Variants in TCF3 observed in about 807,000 individuals in gnomAD.
TCF3 encodes transcription factor E2-alpha.
TCF3 carries 54 observed loss-of-function variants against 72.3 expected under a neutral mutation model. The ratio of observed to expected loss-of-function variants is 0.75; its 90% CI spans 0.60 to 0.94. TCF3 has a LOEUF of 0.94. TCF3 is among the 40% of genes least tolerant of loss of function. The pLI is 0.00. For synonymous variants in TCF3, 525 were observed against 412.6 expected, an observed-to-expected ratio of 1.27 and a Z score of -3.30; for missense variants, 1,078 against 934.4, an observed-to-expected ratio of 1.15 and a Z score of -2.00.
Position 1,622,053 on chromosome 19 carries a change from C to T in TCF3, c.822+1G>A. Reference sequence around the variant, plus strand: ...CCCCTGCCCCCTGCCCTGGGTCCTACCATACGCTCGTGCTGGTGCAGGCCA... The same window carrying T: ...CCCCTGCCCCCTGCCCTGGGTCCTATCATACGCTCGTGCTGGTGCAGGCCA... On this transcript the variant is annotated splice_donor_variant, in intron 10 of 18. Transcript: ENST00000262965. LOFTEE classifies it high-confidence loss of function. 6.3e-7 allele frequency: 1 copy of T among 1,592,590 alleles called. No individual in the cohort carries two copies. The highest frequency in any genetic ancestry group is 8.5e-7 in the Non-Finnish European group (1 of 1,169,596).
intron 5 of TCF3, among the ~76,000 whole-genome samples, chr19:1,631,150 C>T (rs1009740692): frequency 6.6e-6 from 1 of 152,210 alleles, no homozygotes; most frequent in Admixed American, 6.5e-5. Context: ...CTCACCGCCT[C>T]CCTCCAAGAA....
At chr19:1,622,602 G>C (rs947949233) in intron 8 of TCF3, among the ~76,000 whole-genome samples, 187 bp from the exon 9 acceptor site, 10 of 151,894 alleles carry the variant, frequency 6.6e-5, no homozygotes, top group African/African-American at 2.4e-4. Context: ...TGATGTCCTG[G>C]TCTCTCTCTC....
intron 3 of TCF3, among the ~76,000 whole-genome samples, chr19:1,636,448 A>C (rs2064420003): frequency 6.6e-6 from 1 of 152,210 alleles, no homozygotes; most frequent in African/African-American, 2.4e-5. Flanking sequence ...GGCATGAGCC[A>C]CAACGCCTGG....
chr19:1,645,512 C>T (rs1322740496), intron 3 of TCF3, among the ~76,000 whole-genome samples: 2 of 151,118 alleles, frequency 1.3e-5, no homozygotes, highest in African/African-American at 4.9e-5. Context: ...GCAGGGCGTC[C>T]GTACGGGCTG....
At chr19:1,641,987 G>A (rs980273910) in intron 3 of TCF3, among the ~76,000 whole-genome samples, 3 of 151,922 alleles carry the variant, frequency 2.0e-5, no homozygotes, top group African/African-American at 2.4e-5. Flanking sequence ...CAAGGCTACA[G>A]TCAGTTATGA....
chr19:1,632,334 G>A lies in TCF3; in HGVS notation c.217C>T (p.Arg73Trp), dbSNP rs368020893. ...TCAGGCCTCACGGGGACTCCTACCC[G>A]GCTGGGGTCAAAGGAGGAGCTGCTC... ...DQSSSSFDPS[R>W]TFSEGTHFTE... The change falls in exon 4 of 19, where the codon CGG (arginine) becomes TGG (tryptophan). Residue 73 changes from arginine to tryptophan, a missense_variant and splice_region_variant. Arg to Trp is a moderately radical substitution (Grantham distance 101, BLOSUM62 -3). Transcript: ENST00000262965. 9 of 1,584,516 alleles carry A rather than the reference G, an allele frequency of 5.7e-6. No homozygotes were observed. The highest frequency in any genetic ancestry group is 5.4e-5 in the African/African-American group (4 of 74,454).
At position 1,633,581 on chromosome 19, in the gene TCF3, T is replaced by G. The variant is rs146002971; in HGVS notation, c.146-1176A>C. Among the ~76,000 whole-genome samples, 724 of 152,364 alleles carry G rather than the reference T, an allele frequency of 4.8e-3. 3 individuals are homozygous for G. The highest frequency in any genetic ancestry group is 0.016 in the African/African-American group (683 of 41,580). ...GTATTGGTGTTTAATTGCTGTCTGA[T>G]TTGCATAATTATGCATATTAATCTC... On this transcript the variant is annotated intron_variant, in intron 3 of 18. Transcript: ENST00000262965.
At position 1,622,098 on chromosome 19, in the gene TCF3, C is replaced by T; in HGVS notation, c.778G>A (p.Gly260Arg). The T allele has an allele frequency of 6.2e-7, 1 of 1,605,836 alleles. No individual in the cohort carries two copies. Among genetic ancestry groups the T allele is most frequent in the Non-Finnish European group, 8.5e-7 (1 of 1,177,626 alleles). The change falls in exon 10 of 19, where the codon GGA becomes AGA. Residue 260 changes from glycine to arginine, a missense_variant. Coordinates refer to ENST00000262965, the MANE Select transcript of TCF3 (RefSeq NM_003200.5). Reference protein sequence around the residue: ...PPGSGPVGSSGSSSTFGGLHQ... With the variant: ...PPGSGPVGSSRSSSTFGGLHQ... Reference sequence around the variant, plus strand: ...AGGCCACCAAACGTGCTGCTGCTTCCACTGCTGCCCACCGGGCCGCTACCG... The same window carrying T: ...AGGCCACCAAACGTGCTGCTGCTTCTACTGCTGCCCACCGGGCCGCTACCG...
chr19:1,619,919 G>T, intron 13 of TCF3, 66 bp from the exon 14 acceptor site: 1 of 1,365,212 alleles, frequency 7.3e-7, no homozygotes, highest in Non-Finnish European at 1.0e-6. Context: ...TGATGCCCAT[G>T]GGGAGGGATT....
At chr19:1,612,435 T>G (rs748650870) in intron 18 of TCF3, 1 of 1,491,408 alleles carries the variant, frequency 6.7e-7, no homozygotes, top group Admixed American at 1.8e-5. Context: ...TCCGTACTGC[T>G]GGGTCACAGC....
intron 3 of TCF3, among the ~76,000 whole-genome samples, chr19:1,632,830 T>C (rs1292443451): frequency 6.6e-6 from 1 of 152,204 alleles, no homozygotes; most frequent in East Asian, 1.9e-4. Flanking sequence ...GAAAGGCTCA[T>C]GACAGCATGA....
At chr19:1,638,878 A>G (rs993374407) in intron 3 of TCF3, among the ~76,000 whole-genome samples, 16 of 152,252 alleles carry the variant, frequency 1.1e-4, no homozygotes, top group African/African-American at 2.9e-4. Flanking sequence ...AAAAGCTGAG[A>G]ACGAAGATGG....
chr19:1,638,526 G>C (rs1002063968), intron 3 of TCF3, among the ~76,000 whole-genome samples: 1 of 152,112 alleles, frequency 6.6e-6, no homozygotes, highest in Non-Finnish European at 1.5e-5. Context: ...CTCATGATCC[G>C]CTGGCCTCGG....
Position 1,610,141 on chromosome 19 carries a change from C to T in TCF3, c.*1566G>A. 1 of 232,600 alleles carries T rather than the reference C, an allele frequency of 4.3e-6. No homozygotes were observed. The highest frequency in any genetic ancestry group is 1.3e-3 in the Middle Eastern group (1 of 784). The allele number at this position is 232,600 out of a possible 1,614,324, so 14.4% of individuals were successfully genotyped here. ...CATGGCAAAAGACCAGAAAAGGAGACCTGGAGAGAGGCCTGGGTGCTGGGA... is the reference window on the plus strand; with the variant it reads ...CATGGCAAAAGACCAGAAAAGGAGATCTGGAGAGAGGCCTGGGTGCTGGGA... On this transcript the variant is annotated 3_prime_UTR_variant, in exon 19 of 19. Coordinates refer to ENST00000262965, the MANE Select transcript of TCF3 (RefSeq NM_003200.5).
intron 2 of TCF3, among the ~76,000 whole-genome samples, chr19:1,649,226 A>G (rs1273380992): frequency 6.6e-6 from 1 of 152,054 alleles, no homozygotes; most frequent in East Asian, 1.9e-4. Context: ...TTCCCACTCA[A>G]TCCCAATCCA....
At chr19:1,646,586 C>A (rs1252993463) in intron 2 of TCF3, among the ~76,000 whole-genome samples, 159 bp from the exon 3 acceptor site, 1 of 152,108 alleles carries the variant, frequency 6.6e-6, no homozygotes, top group Non-Finnish European at 1.5e-5. Flanking sequence ...CCATCACAGA[C>A]CAGAAGACTC....
intron 16 of TCF3, among the ~76,000 whole-genome samples, chr19:1,617,043 C>T (rs1030960684): frequency 9.2e-5 from 14 of 152,212 alleles, no homozygotes; most frequent in Non-Finnish European, 1.9e-4. Context: ...AAGTCCGCTT[C>T]AGCACATCAA....
intron 3 of TCF3, among the ~76,000 whole-genome samples, chr19:1,636,177 T>C (rs1255846610): frequency 6.6e-6 from 1 of 152,156 alleles, no homozygotes; most frequent in Admixed American, 6.5e-5. Context: ...TTTTTTCTTT[T>C]GCTTTGAGAC....
intron 3 of TCF3, among the ~76,000 whole-genome samples, chr19:1,640,403 A>G (rs766578001): frequency 1.5e-4 from 23 of 150,146 alleles, no homozygotes; most frequent in Non-Finnish European, 2.5e-4. Context: ...AATGGTTACT[A>G]AACTCTCTAA....
Sources: allele counts gnomAD v4.1 joint callset (sites outside exome capture counted in the v4.1 genomes callset), GRCh38; gene constraint gnomAD v4.1.1; transcripts MANE v1.5; gene names NCBI Gene and HGNC (gene_info 2026-07-23, HGNC 2026-07-21).